The following TASOR variants were observed in gnomAD, a reference collection of about 807,000 sequenced individuals.
TASOR encodes the protein transcription activation suppressor.
A neutral mutation model predicts 178.6 loss-of-function variants in TASOR; 53 were observed. The observed-to-expected ratio is 0.30, with a 90% CI of 0.24 to 0.37. The LOEUF (loss-of-function observed/expected upper bound fraction) is 0.37, where lower values mean the gene tolerates loss of function less well. Ranked by LOEUF, TASOR falls within the 10% of genes least tolerant of loss-of-function variation. The pLI is 1.00. For synonymous variants in TASOR, 713 were observed against 696.2 expected (o/e 1.02, Z -0.38); for missense variants, 1,815 against 1,971.4 (o/e 0.92, Z 1.50).
chr3:56,645,793 T>C (rs1295461418), intron 14 of TASOR, among the ~76,000 whole-genome samples: 3 of 152,244 alleles, frequency 2.0e-5, no homozygotes, highest in African/African-American at 7.2e-5. Flanking sequence ...AAGGTTCCTT[T>C]TCATTATGCA....
Position 56,668,378 on chromosome 3 carries a change from A to G in TASOR, c.897+19T>C. ...AACAGGTATGAGATCACAACATTAC[A>G]ACGGATCCTGGAACCTACCTGAGTA... is the stretch of plus-strand genomic sequence containing the variant. On this transcript the variant is annotated intron_variant, in intron 6 of 23. Transcript: ENST00000683822. 1.3e-6 allele frequency: 2 copies of G among 1,549,370 alleles called. No homozygotes were observed. Among genetic ancestry groups the G allele is most frequent in the Non-Finnish European group, 1.7e-6 (2 of 1,145,996 alleles).
At chr3:56,667,565 G>T (rs951109096) in intron 6 of TASOR, among the ~76,000 whole-genome samples, 1 of 152,202 alleles carries the variant, frequency 6.6e-6, no homozygotes, top group Non-Finnish European at 1.5e-5. Flanking sequence ...GCTGAGGCAG[G>T]AGAATCATTT....
chr3:56,641,250 C>G, intron 15 of TASOR, 99 bp downstream of exon 15: 1 of 1,270,356 alleles, frequency 7.9e-7, no homozygotes, highest in Non-Finnish European at 1.1e-6. Context: ...CATTTTATTT[C>G]TTTTTCAAAG....
rs1255048673 is a variant in TASOR at position 56,626,904 on chromosome 3, A to G, written c.4139+133T>C. The G allele has an allele frequency of 1.4e-5, 8 of 582,512 alleles. No homozygotes were observed. In the East Asian group the frequency reaches 2.0e-4, roughly 14 times the overall value. 36.1% of individuals were successfully genotyped at this position (582,512 alleles called of 1,614,324 possible). ...TAAAGGCTAGAATAATTCAGTATCT[A>G]TACTCAATTATGGCTGGCTATGGAC... is the stretch of plus-strand genomic sequence containing the variant. On this transcript the variant is annotated intron_variant, in intron 21 of 23. Coordinates refer to ENST00000683822, the MANE Select transcript of TASOR (RefSeq NM_001365635.2).
chr3:56,633,972 C>T lies in TASOR; in HGVS notation c.2825-6G>A, dbSNP rs774504704. The T allele has an allele frequency of 1.3e-5, 19 of 1,519,768 alleles. No homozygotes were observed. The highest frequency in any genetic ancestry group is 3.4e-4 in the Middle Eastern group (2 of 5,804). The allele number at this position is 1,519,768 out of a possible 1,614,324, so 94.1% of individuals were successfully genotyped here. A position where few individuals can be genotyped will look rare whatever the true frequency, so the allele number is the denominator to read the frequency against. On this transcript the variant is annotated splice_region_variant and splice_polypyrimidine_tract_variant and intron_variant, in intron 17 of 23. Transcript: ENST00000683822. ...TTCTTCTGGTGATTTCATACCTATACAGGAAGAGTTCATTATTATAAGAGC... is the reference window on the plus strand; with the variant it reads ...TTCTTCTGGTGATTTCATACCTATATAGGAAGAGTTCATTATTATAAGAGC...
rs773597905 is a variant in TASOR, at chr3:56,624,559, T to C, written c.4403A>G (p.Asn1468Ser). 3 of 1,614,122 alleles carry C rather than the reference T, an allele frequency of 1.9e-6. No homozygotes were observed. The South Asian group carries it at 3.3e-5, about 18-fold the overall frequency. Reference sequence around the variant, plus strand: ...GATTGAATTGTGATAGCCCACAAGATTTTTAAAGTTTTGCATGAAGTCTTC... The same window carrying C: ...GATTGAATTGTGATAGCCCACAAGACTTTTAAAGTTTTGCATGAAGTCTTC... The part of the protein sequence containing the change: ...TAEDFMQNFK[N>S]LVGYHNSITE... Residue 1468 changes from asparagine to serine, a missense_variant, in exon 23 of 24, where the codon AAT becomes AGT. Transcript: ENST00000683822.
At chr3:56,659,276 T>G (rs565204441) in intron 11 of TASOR, among the ~76,000 whole-genome samples, 10 of 152,312 alleles carry the variant, frequency 6.6e-5, no homozygotes, top group Admixed American at 6.5e-4. Flanking sequence ...AAACTTGTAT[T>G]AAATGGCGCA....
At chr3:56,657,164 C>T (rs932766294) in intron 11 of TASOR, among the ~76,000 whole-genome samples, 1 of 151,308 alleles carries the variant, frequency 6.6e-6, no homozygotes, top group Non-Finnish European at 1.5e-5. Context: ...CCCATCTCTA[C>T]TAAGAATACA....
chr3:56,665,411 A>T (rs935970671), intron 7 of TASOR, among the ~76,000 whole-genome samples: 3 of 152,056 alleles, frequency 2.0e-5, no homozygotes, highest in Admixed American at 6.5e-5. Flanking sequence ...GCTGTAGTGC[A>T]GTGGTGCGAT....
At chr3:56,625,869 G>A (rs1466118880) in intron 21 of TASOR, among the ~76,000 whole-genome samples, 5 of 152,100 alleles carry the variant, frequency 3.3e-5, no homozygotes, top group Non-Finnish European at 7.4e-5. Flanking sequence ...TGATCCACCC[G>A]CCTCAGCCTC....
At chr3:56,674,074 C>T (rs35286628) in intron 1 of TASOR, among the ~76,000 whole-genome samples, 4,851 of 152,156 alleles carry the variant, frequency 0.032, 107 homozygotes, top group Middle Eastern at 0.078. Flanking sequence ...TTTTATGTTA[C>T]ACTGAAGTAT....
Position 56,633,490 on chromosome 3 carries a change from G to T in TASOR, c.3301C>A (p.Pro1101Thr), listed in dbSNP as rs2076957611. The T allele has an allele frequency of 1.2e-6, 2 of 1,614,130 alleles. No homozygotes were observed. Among genetic ancestry groups the T allele is most frequent in the Non-Finnish European group, 1.7e-6 (2 of 1,180,034 alleles). ...GCACCAGAATCGTTAGGACTGACTG[G>T]TGGCAAATTCCCACCCTTGGCTGAT... ...KASAKGGNLP[P>T]VSPNDSGAKI... Residue 1101 changes from proline (P) to threonine (T), a missense_variant, in exon 18 of 24, where the codon CCA (proline) becomes ACA (threonine). Around this residue, in one of 5 missense-constraint regions of TASOR, gnomAD observed 655 missense variants for 671.1 expected, o/e 0.98. Coordinates refer to ENST00000683822, the MANE Select transcript of TASOR (RefSeq NM_001365635.2).
chr3:56,656,366 T>C (rs563719412), intron 11 of TASOR, among the ~76,000 whole-genome samples: 2 of 152,092 alleles, frequency 1.3e-5, no homozygotes, highest in African/African-American at 2.4e-5. Context: ...GGCAGGCAGA[T>C]CACTTGAGGT....
At chr3:56,628,728 C>T in intron 18 of TASOR, 114 bp from the exon 19 acceptor site, 1 of 692,190 alleles carries the variant, frequency 1.4e-6, no homozygotes, top group Non-Finnish European at 2.3e-6. Flanking sequence ...ACATTATTAA[C>T]AATGAATGAA....
In TASOR at chr3:56,633,375, C is replaced by T. The variant is rs1405580057; in HGVS notation, c.3416G>A (p.Ser1139Asn). 2 of 1,614,176 alleles carry T rather than the reference C, an allele frequency of 1.2e-6. No homozygotes were observed. Reference sequence around the variant, plus strand: ...AGAGTTGGTATCTTTCAAAGGATCACTACACAGTGGCTCAAGGAGATGTTT... The same window carrying T: ...AGAGTTGGTATCTTTCAAAGGATCATTACACAGTGGCTCAAGGAGATGTTT... ...NNKHLLEPLC[S>N]DPLKDTNSDE... The change falls in exon 18 of 24, where the codon AGT becomes AAT. Residue 1139 changes from serine (S) to asparagine (N), a missense_variant. Around this residue, in one of 5 missense-constraint regions of TASOR, gnomAD observed 655 missense variants for 671.1 expected, o/e 0.98. Transcript: ENST00000683822.
intron 19 of TASOR, 39 bp from the exon 20 acceptor site, chr3:56,627,780 G>A: frequency 6.3e-7 from 1 of 1,594,232 alleles, no homozygotes; most frequent in Non-Finnish European, 8.6e-7. Context: ...ACAGATGGAG[G>A]GAATGAATTG....
At chr3:56,661,696 T>C (rs1418504803) in intron 9 of TASOR, among the ~76,000 whole-genome samples, 1 of 152,198 alleles carries the variant, frequency 6.6e-6, no homozygotes, top group Non-Finnish European at 1.5e-5. Context: ...CCTATATATT[T>C]TAACTCACCA....
intron 11 of TASOR, among the ~76,000 whole-genome samples, chr3:56,655,283 T>C (rs2077446094): frequency 6.6e-6 from 1 of 152,176 alleles, no homozygotes. Flanking sequence ...AGACTGCACA[T>C]TAACATGGAA....
rs1210737761 is a variant in TASOR at position 56,633,138 on chromosome 3, T to G, written c.3653A>C (p.Asn1218Thr). 1 of 1,614,056 alleles carries G rather than the reference T, an allele frequency of 6.2e-7. No homozygotes were observed. The highest frequency in any genetic ancestry group is 1.1e-5 in the South Asian group (1 of 91,056). ...GTCTTTCATGATTTTAACCAAACTA[T>G]TAAATACTTCAGGTTCTAACTGGCT... is the stretch of plus-strand genomic sequence containing the variant. ...FISQLEPEVF[N>T]SLVKIMKDVQ... The change falls in exon 18 of 24, where the codon AAT becomes ACT. Residue 1218 changes from asparagine (N) to threonine (T), a missense_variant. Coordinates refer to ENST00000683822, the MANE Select transcript of TASOR (RefSeq NM_001365635.2).
Sources: gnomAD v4.1 joint callset for allele counts (sites outside exome capture counted in the v4.1 genomes callset) on GRCh38, gnomAD v4.1.1 for gene constraint, gnomAD v4.1.1 regional missense constraint, MANE v1.5 for transcripts, NCBI Gene and HGNC (gene_info 2026-07-23, HGNC 2026-07-21) for gene names.